Variants in MGAT5 observed in about 807,000 individuals in gnomAD.
MGAT5 encodes the protein alpha-1,6-mannosylglycoprotein 6-beta-N-acetylglucosaminyltransferase A.
A neutral mutation model predicts 94.3 loss-of-function variants in MGAT5; 30 were observed. That is an observed-to-expected ratio of 0.32 (90% CI 0.24 to 0.43). The LOEUF is 0.43. MGAT5 is among the 20% of genes least tolerant of loss of function. The probability of loss-of-function intolerance (pLI) is 1.00; values close to 1 mark genes in which losing one functional copy is unlikely to be tolerated. For missense variants in MGAT5, 691 were observed against 905.5 expected, an observed-to-expected ratio of 0.76 and a Z score of 3.04; for synonymous variants, 310 against 322.9, an observed-to-expected ratio of 0.96 and a Z score of 0.43.
At chr2:134,187,088 C>A (rs908946485) in intron 1 of MGAT5, among the ~76,000 whole-genome samples, 3 of 152,020 alleles carry the variant, frequency 2.0e-5, no homozygotes, top group African/African-American at 7.3e-5. Context: ...GCTTGAGGGC[C>A]GTGTGGGTGG....
At chr2:134,226,819 C>T (rs776122587) in intron 1 of MGAT5, among the ~76,000 whole-genome samples, 1 of 152,136 alleles carries the variant, frequency 6.6e-6, no homozygotes, top group Non-Finnish European at 1.5e-5. Flanking sequence ...TAGTACATGA[C>T]TAAAACACCA....
chr2:134,292,920 G>T (rs529265818), intron 2 of MGAT5, among the ~76,000 whole-genome samples: 2 of 152,290 alleles, frequency 1.3e-5, no homozygotes, highest in South Asian at 2.1e-4. Context: ...TACTCAGAAG[G>T]CCAGGCTTCA....
chr2:134,328,914 G>A (rs1381787988), intron 4 of MGAT5, among the ~76,000 whole-genome samples: 1 of 151,888 alleles, frequency 6.6e-6, no homozygotes, highest in Non-Finnish European at 1.5e-5. Context: ...CACTCTAGAA[G>A]GAAGAGGGTT....
At chr2:134,131,586 T>A (rs1686171239) in intron 1 of MGAT5, among the ~76,000 whole-genome samples, 3 of 147,268 alleles carry the variant, frequency 2.0e-5, no homozygotes, top group Non-Finnish European at 4.5e-5. Context: ...TTTTTTTTTT[T>A]TTTTTTTTTT....
At chr2:134,298,918 A>G (rs1357565039) in intron 2 of MGAT5, among the ~76,000 whole-genome samples, 1 of 152,180 alleles carries the variant, frequency 6.6e-6, no homozygotes, top group Non-Finnish European at 1.5e-5. Context: ...AAAAGTCAAA[A>G]GAAGAATGGA....
chr2:134,341,830 T>A, intron 7 of MGAT5, 71 bp downstream of exon 7: 1 of 1,304,056 alleles, frequency 7.7e-7, no homozygotes, highest in Admixed American at 2.5e-5. Context: ...AAGTATTACC[T>A]CTATTAGTGT....
intron 1 of MGAT5, among the ~76,000 whole-genome samples, chr2:134,194,395 T>G (rs905056059): frequency 6.6e-6 from 1 of 152,172 alleles, no homozygotes; most frequent in African/African-American, 2.4e-5. Flanking sequence ...TTAATACTAC[T>G]GCTGTTACAG....
intron 1 of MGAT5, among the ~76,000 whole-genome samples, chr2:134,165,005 C>T (rs1687907587): frequency 6.6e-6 from 1 of 152,216 alleles, no homozygotes; most frequent in Admixed American, 6.5e-5. Context: ...AAAGATGCTG[C>T]CCTGAGATAA....
In MGAT5 at chr2:134,257,489, TG is replaced by T. The variant is rs1683042539; in HGVS notation, c.241+2848del. ...TGCCCGCCTCAGCCTCCCAAAGTGC[TG>T]GGATTACAGGTGTGAGCCGCTGTGC... On this transcript the variant is annotated intron_variant, in intron 1 of 15. Coordinates refer to ENST00000281923, the MANE Select transcript of MGAT5 (RefSeq NM_002410.5). Among the ~76,000 whole-genome samples the T allele has an allele frequency of 2.0e-5, 3 of 152,244 alleles. No homozygotes were observed. In the South Asian group the frequency reaches 6.2e-4, roughly 32 times the overall value.
At chr2:134,396,617 C>A (rs192510644) in intron 10 of MGAT5, among the ~76,000 whole-genome samples, 66 of 152,304 alleles carry the variant, frequency 4.3e-4, no homozygotes, top group African/African-American at 1.5e-3. Context: ...TTGCTGGAAG[C>A]AGGTGGAAAG....
intron 1 of MGAT5, among the ~76,000 whole-genome samples, chr2:134,176,162 C>T (rs1688454427): frequency 6.6e-6 from 1 of 151,864 alleles, no homozygotes; most frequent in African/African-American, 2.4e-5. Flanking sequence ...GGTTGCTGGG[C>T]CAGAACATGG....
intron 4 of MGAT5, among the ~76,000 whole-genome samples, chr2:134,327,611 C>T (rs1207871541): frequency 6.6e-6 from 1 of 152,074 alleles, no homozygotes; most frequent in Admixed American, 6.6e-5. Context: ...GAGCATTGCG[C>T]AATTTAAAAC....
At chr2:134,244,208 ATTCT>A (rs764702089) in intron 1 of MGAT5, among the ~76,000 whole-genome samples, 2 of 152,024 alleles carry the variant, frequency 1.3e-5, no homozygotes, top group African/African-American at 2.4e-5. Flanking sequence ...TTCACAGATG[ATTCT>A]TTCTTTCTTC....
intron 2 of MGAT5, among the ~76,000 whole-genome samples, chr2:134,282,667 C>A (rs1199729820): frequency 6.6e-6 from 1 of 152,166 alleles, no homozygotes; most frequent in Admixed American, 6.5e-5. Context: ...GGAGATGACA[C>A]TCCAGCAGTG....
intron 10 of MGAT5, among the ~76,000 whole-genome samples, chr2:134,368,690 A>T (rs149392832): frequency 5.6e-4 from 86 of 152,278 alleles, no homozygotes; most frequent in African/African-American, 2.0e-3. Context: ...CTCTCCAATG[A>T]CTTCATTTCA....
chr2:134,130,069 C>T (rs1326683772), intron 1 of MGAT5, among the ~76,000 whole-genome samples: 4 of 152,182 alleles, frequency 2.6e-5, no homozygotes, highest in African/African-American at 9.6e-5. Context: ...AGCACCCGTG[C>T]CAGCAGCTGC....
At chr2:134,378,558 G>A in intron 10 of MGAT5, among the ~76,000 whole-genome samples, 1 of 151,064 alleles carries the variant, frequency 6.6e-6, no homozygotes, top group South Asian at 2.1e-4. Flanking sequence ...AAGTCTCAGT[G>A]TTCTCGATCG....
intron 10 of MGAT5, among the ~76,000 whole-genome samples, chr2:134,381,397 GATA>G (rs1239362239): frequency 1.2e-4 from 11 of 94,556 alleles, no homozygotes; most frequent in Non-Finnish European, 2.2e-4. Flanking sequence ...TAGATAGATA[GATA>G]GATAGATAGA....
At chr2:134,383,708 A>ATT (rs531981933) in intron 10 of MGAT5, among the ~76,000 whole-genome samples, 14 of 143,326 alleles carry the variant, frequency 9.8e-5, no homozygotes, top group Admixed American at 3.5e-4. Flanking sequence ...TGAGCTAAGC[A>ATT]TTTTTTTTTT....
Sources: gnomAD v4.1 joint callset for allele counts (sites outside exome capture counted in the v4.1 genomes callset) on GRCh38, gnomAD v4.1.1 for gene constraint, MANE v1.5 for transcripts, NCBI Gene and HGNC (gene_info 2026-07-23, HGNC 2026-07-21) for gene names.